Variants in DCAF6 observed in about 807,000 individuals in gnomAD.
DCAF6 encodes DDB1- and CUL4-associated factor 6.
DCAF6 carries 54 observed loss-of-function variants against 125.1 expected under a neutral mutation model. The observed-to-expected ratio is 0.43, with a 90% CI of 0.35 to 0.54. The LOEUF is 0.54. Ranked by LOEUF, DCAF6 falls within the 20% of genes least tolerant of loss-of-function variation. The probability of loss-of-function intolerance (pLI) is 0.01; values close to 1 mark genes in which losing one functional copy is unlikely to be tolerated. For missense variants in DCAF6, 934 were observed against 1,161.7 expected (o/e 0.80, Z 2.85); for synonymous variants, 371 against 390.4 (o/e 0.95, Z 0.58).
At chr1:167,880,019 C>G in the DCAF6 span, 2 of 1,022,808 alleles carry the variant, frequency 2.0e-6, no homozygotes, top group South Asian at 2.7e-5. Context: ...GGGCAGGGCT[C>G]ATGTCTCACT....
intron 2 of DCAF6, among the ~76,000 whole-genome samples, chr1:167,961,231 G>A (rs374344283): frequency 6.6e-6 from 1 of 151,940 alleles, no homozygotes; most frequent in Non-Finnish European, 1.5e-5. Context: ...GTTCCAGGAG[G>A]GTTTTATTTT....
intron 10 of DCAF6, among the ~76,000 whole-genome samples, chr1:168,008,941 C>T (rs1683776131): frequency 7.0e-6 from 1 of 142,954 alleles, no homozygotes; most frequent in East Asian, 2.2e-4. Context: ...CTCTCTCTCT[C>T]TTTCTCTCTC....
At chr1:168,002,712 T>G in intron 8 of DCAF6, 137 bp downstream of exon 8, 1 of 586,934 alleles carries the variant, frequency 1.7e-6, no homozygotes, top group Non-Finnish European at 2.8e-6. Flanking sequence ...CAAATATATC[T>G]TAGGATAAAT....
the DCAF6 span, among the ~76,000 whole-genome samples, chr1:167,871,443 AC>A: frequency 6.6e-6 from 1 of 152,238 alleles, no homozygotes; most frequent in East Asian, 1.9e-4. Flanking sequence ...AATAAAAATC[AC>A]CTTGGGTTAC....
the DCAF6 span, chr1:167,920,401 A>C: frequency 1.2e-6 from 1 of 861,444 alleles, no homozygotes; most frequent in African/African-American, 1.7e-5. Flanking sequence ...TCCATCCATA[A>C]CTTAATAACT....
chr1:168,052,493 G>A (rs1248654161), intron 17 of DCAF6, among the ~76,000 whole-genome samples: 1 of 152,126 alleles, frequency 6.6e-6, no homozygotes, highest in Non-Finnish European at 1.5e-5. Context: ...GAGATTATCT[G>A]GTGGAAACTT....
intron 2 of DCAF6, among the ~76,000 whole-genome samples, chr1:167,957,407 A>C (rs188016684): frequency 6.6e-6 from 1 of 152,290 alleles, no homozygotes; most frequent in African/African-American, 2.4e-5. Flanking sequence ...TTTCAAGGTT[A>C]ATCCATGTTG....
chr1:167,958,226 A>G (rs932279321), intron 2 of DCAF6, among the ~76,000 whole-genome samples: 1 of 152,130 alleles, frequency 6.6e-6, no homozygotes, highest in Non-Finnish European at 1.5e-5. Flanking sequence ...CTGGTCGTGA[A>G]GATTTATACC....
intron 10 of DCAF6, among the ~76,000 whole-genome samples, chr1:168,014,206 A>G (rs186705781): frequency 1.2e-4 from 18 of 152,322 alleles, no homozygotes; most frequent in African/African-American, 4.3e-4. Context: ...TTATTTAACT[A>G]AAATAGCTCT....
intron 21 of DCAF6, 129 bp from the exon 22 acceptor site, chr1:168,075,242 C>T: frequency 4.0e-6 from 3 of 757,502 alleles, no homozygotes; most frequent in South Asian, 3.9e-5. Context: ...TTTTATTTGC[C>T]TCTAAAGACA....
At chr1:167,882,484 C>CAAA in the DCAF6 span, among the ~76,000 whole-genome samples, 6,572 of 70,972 alleles carry the variant, frequency 0.093, 284 homozygotes, top group Non-Finnish European at 0.13. Flanking sequence ...GATTCCGTCT[C>CAAA]AAAAAAAAAA....
the DCAF6 span, among the ~76,000 whole-genome samples, chr1:167,907,507 C>A: frequency 6.6e-6 from 1 of 152,086 alleles, no homozygotes; most frequent in African/African-American, 2.4e-5. Context: ...TCATTCTACT[C>A]CCAGAAGTGA....
Position 168,023,019 on chromosome 1 carries a change from C to T in DCAF6, c.1581C>T (p.Leu527=), listed in dbSNP as rs529161074. 8.1e-6 allele frequency: 13 copies of T among 1,614,162 alleles called. No homozygotes were observed. In the East Asian group the frequency reaches 1.3e-4, roughly 17 times the overall value. The change falls in exon 12 of 22, where the codon CTC becomes CTT. Residue 527 remains leucine (L), a synonymous_variant. Transcript: ENST00000367840. ...DSPSSVVNKQ[L]GSMSLDEQQD... is the part of the protein sequence containing the mutation. ...CTTCTTCTGTGGTTAACAAACAGCT[C>T]GGATCCATGTCACTTGACGAGCAAC... is the stretch of plus-strand genomic sequence containing the variant.
chr1:168,065,838 A>G (rs1200364573), intron 19 of DCAF6, 92 bp downstream of exon 19: 4 of 1,219,788 alleles, frequency 3.3e-6, no homozygotes, highest in African/African-American at 3.1e-5. Context: ...TAATATTATA[A>G]GAATAATCCA....
intron 2 of DCAF6, among the ~76,000 whole-genome samples, chr1:167,965,138 G>A (rs1676204478): frequency 6.6e-6 from 1 of 152,154 alleles, no homozygotes; most frequent in Non-Finnish European, 1.5e-5. Flanking sequence ...AAAAGTAATG[G>A]TATAAATAGG....
At chr1:167,898,594 GTT>G in the DCAF6 span, among the ~76,000 whole-genome samples, 101 of 146,566 alleles carry the variant, frequency 6.9e-4, no homozygotes, top group East Asian at 0.013. Flanking sequence ...GCGAGACTCC[GTT>G]TTTTTTTTTT....
the DCAF6 span, among the ~76,000 whole-genome samples, chr1:167,866,172 G>A: frequency 6.6e-6 from 1 of 152,216 alleles, no homozygotes; most frequent in East Asian, 1.9e-4. Flanking sequence ...AACTGGAGTG[G>A]CACTTATACT....
intron 20 of DCAF6, among the ~76,000 whole-genome samples, chr1:168,066,735 T>C (rs1186023022): frequency 6.6e-6 from 1 of 152,180 alleles, no homozygotes; most frequent in Non-Finnish European, 1.5e-5. Context: ...GTTTGAGTAT[T>C]CATGTTATTA....
At chr1:167,933,542 A>C (rs1365314531), upstream of DCAF6, among the ~76,000 whole-genome samples, 1 of 152,242 alleles carries the variant, frequency 6.6e-6, no homozygotes, top group Non-Finnish European at 1.5e-5. Flanking sequence ...TAGAATCAGC[A>C]ATGTATGATT....
Sources: allele counts gnomAD v4.1 joint callset (sites outside exome capture counted in the v4.1 genomes callset), GRCh38; gene constraint gnomAD v4.1.1; transcripts MANE v1.5; gene names NCBI Gene and HGNC (gene_info 2026-07-23, HGNC 2026-07-21).